Variants in PAPLN observed in about 807,000 individuals in gnomAD.
PAPLN encodes papilin.
In PAPLN, 146 loss-of-function variants were observed where a neutral mutation model predicts 159.0. That is an observed-to-expected ratio of 0.92 (90% CI 0.80 to 1.05). PAPLN has a LOEUF of 1.05. PAPLN is among the 50% of genes least tolerant of loss of function. PAPLN has a pLI of 0.00. For synonymous variants in PAPLN, 734 were observed against 702.9 expected (o/e 1.04, Z -0.70); for missense variants, 1,720 against 1,743.9 (o/e 0.99, Z 0.24).
At chr14:73,238,130 G>T (rs947845563) in intron 1 of PAPLN, among the ~76,000 whole-genome samples, 2 of 152,214 alleles carry the variant, frequency 1.3e-5, no homozygotes, top group Non-Finnish European at 2.9e-5. Context: ...GTGGGCGGGG[G>T]CCACGGGGAC....
chr14:73,241,106 G>A (rs574842773), intron 2 of PAPLN, among the ~76,000 whole-genome samples: 219 of 152,184 alleles, frequency 1.4e-3, no homozygotes, highest in African/African-American at 4.9e-3. Context: ...GATGGCAGTG[G>A]GCACTTCTCC....
rs1408202531 is a variant in PAPLN, at chr14:73,244,733, C to T, written c.144C>T (p.Phe48=). 1.1e-5 allele frequency: 18 copies of T among 1,580,682 alleles called. No homozygotes were observed. Residue 48 remains phenylalanine (F), a synonymous_variant, in exon 3 of 27, where the codon TTC becomes TTT. Transcript: ENST00000644200. Reference sequence around the variant, plus strand: ...GGACCTGTGGAGGGGGTGTCAGCTTCCGGGAGCGCCCCTGCTACTCCCAGA... The same window carrying T: ...GGACCTGTGGAGGGGGTGTCAGCTTTCGGGAGCGCCCCTGCTACTCCCAGA... ...CSRTCGGGVS[F]RERPCYSQRR...
intron 5 of PAPLN, among the ~76,000 whole-genome samples, chr14:73,246,642 CTTT>C (rs60063397): frequency 2.4e-3 from 282 of 116,800 alleles, no homozygotes; most frequent in Non-Finnish European, 3.9e-3. Context: ...TTCTTTCTTT[CTTT>C]TTTTTTTTTT....
At chr14:73,260,881 T>C in intron 17 of PAPLN, 52 bp downstream of exon 17, 1 of 1,492,604 alleles carries the variant, frequency 6.7e-7, no homozygotes, top group Non-Finnish European at 8.9e-7. Flanking sequence ...GTGAGCCTGC[T>C]CAGTGTCACT....
At position 73,251,509 on chromosome 14, in the gene PAPLN, C is replaced by G; in HGVS notation, c.613C>G (p.Pro205Ala). 2 of 1,609,746 alleles carry G rather than the reference C, an allele frequency of 1.2e-6. No homozygotes were observed. Among genetic ancestry groups the G allele is most frequent in the Non-Finnish European group, 1.7e-6 (2 of 1,179,866 alleles). Residue 205 changes from proline (P) to alanine (A), a missense_variant, in exon 8 of 27, where the codon CCC becomes GCC. Transcript: ENST00000644200. ...SRGYNQILIV[P>A]MGATSILIDE... Reference sequence around the variant, plus strand: ...AGGCTACAACCAGATCCTCATAGTTCCCATGGGTGCCACCAGCATCCTCAT... The same window carrying G: ...AGGCTACAACCAGATCCTCATAGTTGCCATGGGTGCCACCAGCATCCTCAT...
intron 7 of PAPLN, among the ~76,000 whole-genome samples, 183 bp downstream of exon 7, chr14:73,251,213 G>A (rs865892425): frequency 1.9e-4 from 29 of 152,136 alleles, no homozygotes; most frequent in African/African-American, 6.3e-4. Flanking sequence ...GTGCCCGCTC[G>A]TGCAGTCCCA....
intron 2 of PAPLN, among the ~76,000 whole-genome samples, chr14:73,241,351 G>C (rs1883517354): frequency 6.6e-6 from 1 of 152,210 alleles, no homozygotes; most frequent in Non-Finnish European, 1.5e-5. Context: ...AGGTGGAGGG[G>C]GCACGAGGAC....
intron 18 of PAPLN, 80 bp from the exon 19 acceptor site, chr14:73,262,270 G>A: frequency 1.5e-6 from 2 of 1,373,206 alleles, no homozygotes; most frequent in Non-Finnish European, 2.0e-6. Flanking sequence ...CCTGCTTCCT[G>A]AGTCGGAGGC....
chr14:73,252,059 C>T lies in PAPLN; in HGVS notation c.885C>T (p.Tyr295=), dbSNP rs1885336509. The T allele has an allele frequency of 6.2e-7, 1 of 1,612,508 alleles. No individual in the cohort carries two copies. The highest frequency in any genetic ancestry group is 1.1e-5 in the South Asian group (1 of 90,840). The change falls in exon 10 of 27, where the codon TAC becomes TAT. Residue 295 remains tyrosine (Y), a synonymous_variant. Coordinates refer to ENST00000644200, the MANE Select transcript of PAPLN (RefSeq NM_001365906.3). ...CCAACCCCGGTGTGCACTATGAGTA[C>T]CACCTGCCCCTGCGCCGCCCCAGCC... The part of the protein sequence containing the change: ...QEPNPGVHYE[Y]HLPLRRPSPG...
chr14:73,266,432 C>G, intron 23 of PAPLN, 69 bp from the exon 24 acceptor site: 8 of 1,571,274 alleles, frequency 5.1e-6, no homozygotes, highest in Non-Finnish European at 6.9e-6. Flanking sequence ...ACCCCATGCT[C>G]GAGGGACGGA....
In PAPLN at chr14:73,253,776, C is replaced by A. The variant is rs1388547138; in HGVS notation, c.1117C>A (p.Pro373Thr). The A allele has an allele frequency of 6.2e-7, 1 of 1,601,754 alleles. No homozygotes were observed. ...CAGCTGGAAGGCAGGGCCATGGGCA[C>A]CCTGCTCAGCCTCCTGTGGAGGAGG... ...TKRWKAGPWAPCSASCGGGSQ... is the reference protein window; with the variant it reads ...TKRWKAGPWATCSASCGGGSQ... The change falls in exon 12 of 27, where the codon CCC (proline) becomes ACC (threonine). Residue 373 changes from proline to threonine, a missense_variant. Coordinates refer to ENST00000644200, the MANE Select transcript of PAPLN (RefSeq NM_001365906.3).
intron 14 of PAPLN, among the ~76,000 whole-genome samples, chr14:73,256,532 C>CAAA (rs57667060): frequency 0.1 from 9,437 of 92,420 alleles, 526 homozygotes; most frequent in South Asian, 0.18. Flanking sequence ...GACTCTGTCT[C>CAAA]AAAAAAAAAA....
chr14:73,244,968 T>C (rs1884035518), intron 3 of PAPLN: 1 of 457,662 alleles, frequency 2.2e-6, no homozygotes, highest in Non-Finnish European at 3.9e-6. Flanking sequence ...GGAGCACGCG[T>C]GCTGCCTGTT....
intron 14 of PAPLN, among the ~76,000 whole-genome samples, chr14:73,256,997 A>G (rs1885985657): frequency 6.6e-6 from 1 of 152,182 alleles, no homozygotes; most frequent in African/African-American, 2.4e-5. Context: ...TTATTTTGAG[A>G]CAGGGTCTCT....
chr14:73,254,774 C>T, intron 13 of PAPLN, 79 bp downstream of exon 13: 1 of 1,591,224 alleles, frequency 6.3e-7, no homozygotes, highest in Non-Finnish European at 8.6e-7. Context: ...CGTCCTTGGA[C>T]CTGACACGCG....
intron 5 of PAPLN, among the ~76,000 whole-genome samples, chr14:73,248,208 T>C (rs112925293): frequency 3.7e-5 from 5 of 135,814 alleles, no homozygotes; most frequent in African/African-American, 8.4e-5. Flanking sequence ...TTGTGGGGAT[T>C]GTGGCTGTGG....
intron 17 of PAPLN, 136 bp downstream of exon 17, chr14:73,260,965 C>A: frequency 7.1e-7 from 1 of 1,409,922 alleles, no homozygotes; most frequent in Non-Finnish European, 9.4e-7. Context: ...GGGTCATCCT[C>A]TGGAGGGCAC....
At chr14:73,246,006 C>T in intron 4 of PAPLN, 67 bp from the exon 5 acceptor site, 5 of 1,403,954 alleles carry the variant, frequency 3.6e-6, no homozygotes, top group South Asian at 2.8e-5. Flanking sequence ...TGGGCTCGGG[C>T]GGGGCGGGAG....
intron 18 of PAPLN, chr14:73,262,141 T>C (rs1886653457): frequency 9.3e-6 from 5 of 536,948 alleles, no homozygotes; most frequent in South Asian, 3.2e-5. Flanking sequence ...AAGGCTGCTG[T>C]GGCACCAGCC....
Sources: allele counts gnomAD v4.1 joint callset (sites outside exome capture counted in the v4.1 genomes callset), GRCh38; gene constraint gnomAD v4.1.1; transcripts MANE v1.5; gene names NCBI Gene and HGNC (gene_info 2026-07-23, HGNC 2026-07-21).